The following ACADSB variants were observed in gnomAD, a reference collection of about 807,000 sequenced individuals.
ACADSB encodes short/branched chain specific acyl-CoA dehydrogenase, mitochondrial.
ACADSB carries 40 observed loss-of-function variants against 54.1 expected under a neutral mutation model. That is an observed-to-expected ratio of 0.74 (90% CI 0.57 to 0.96). The LOEUF (loss-of-function observed/expected upper bound fraction) is 0.96, where lower values mean the gene tolerates loss of function less well. Among genes scored for constraint, ACADSB ranks in the 40% least tolerant of loss-of-function variants. The pLI is 0.00. For missense variants in ACADSB, 530 were observed against 510.4 expected (o/e 1.04, Z -0.37); for synonymous variants, 182 against 182.8 (o/e 1.00, Z 0.03).
At chr10:123,032,583 CTTTTTTTTTT>C (rs889911796) in intron 1 of ACADSB, among the ~76,000 whole-genome samples, 8 of 106,934 alleles carry the variant, frequency 7.5e-5, no homozygotes, top group African/African-American at 1.1e-4. Context: ...AATTTCCATT[CTTTTTTTTTT>C]TTTTTTTTTT....
chr10:123,047,058 A>G (rs879643712), intron 7 of ACADSB, 151 bp from the exon 8 acceptor site: 71 of 666,498 alleles, frequency 1.1e-4, no homozygotes, highest in East Asian at 4.2e-4. Context: ...GTGGGTGAGG[A>G]TGTGTTATTA....
intron 1 of ACADSB, among the ~76,000 whole-genome samples, chr10:123,030,838 A>C (rs1254140415): frequency 6.6e-6 from 1 of 152,232 alleles, no homozygotes; most frequent in Admixed American, 6.5e-5. Flanking sequence ...TGTGTCTTGA[A>C]TGAAGAGTAA....
At chr10:123,050,957 C>A in intron 8 of ACADSB, 92 bp from the exon 9 acceptor site, 1 of 1,347,220 alleles carries the variant, frequency 7.4e-7, no homozygotes, top group South Asian at 1.3e-5. Flanking sequence ...TATTTTGAGT[C>A]TGTCAGTGTT....
intron 3 of ACADSB, among the ~76,000 whole-genome samples, chr10:123,039,473 G>A (rs1360621634): frequency 6.6e-6 from 1 of 152,186 alleles, no homozygotes; most frequent in Non-Finnish European, 1.5e-5. Flanking sequence ...TTTCAGTAAC[G>A]ATGGAACTGG....
chr10:123,009,690 A>G (rs944129474), intron 1 of ACADSB, among the ~76,000 whole-genome samples: 2 of 143,902 alleles, frequency 1.4e-5, no homozygotes, highest in Admixed American at 6.9e-5. Context: ...GGGGAGCCGG[A>G]GCCGGTGCCG....
At chr10:123,051,017 A>G (rs202176300) in intron 8 of ACADSB, 32 bp from the exon 9 acceptor site, 22 of 1,607,506 alleles carry the variant, frequency 1.4e-5, no homozygotes, top group Non-Finnish European at 1.8e-5. Context: ...TTTTGAAATC[A>G]TAATTCTCTA....
intron 5 of ACADSB, 54 bp downstream of exon 5, chr10:123,041,433 C>T: frequency 6.4e-7 from 1 of 1,572,152 alleles, no homozygotes; most frequent in Non-Finnish European, 8.8e-7. Context: ...TTTTCTCTTT[C>T]TTTATCTTTT....
Position 123,037,776 on chromosome 10 carries a change from C to T in ACADSB, c.232C>T (p.Pro78Ser), listed in dbSNP as rs752686625. ...VKKFAQEQIA[P>S]LVSTMDENSK... ...AAAATTTGCTCAGGAACAAATTGCA[C>T]CTTTGGTTTCAACCATGGATGAAAA... Residue 78 changes from proline to serine, a missense_variant, in exon 3 of 11, where the codon CCT (proline) becomes TCT (serine). By Grantham distance (74) the Pro-to-Ser change is moderately conservative. Coordinates refer to ENST00000358776, the MANE Select transcript of ACADSB (RefSeq NM_001609.4). 1 of 1,612,130 alleles carries T rather than the reference C, an allele frequency of 6.2e-7. No individual in the cohort carries two copies. The highest frequency in any genetic ancestry group is 1.1e-5 in the South Asian group (1 of 91,028).
chr10:123,051,331 A>T, intron 9 of ACADSB, 145 bp downstream of exon 9: 1 of 1,149,052 alleles, frequency 8.7e-7, no homozygotes, highest in East Asian at 2.7e-5. Context: ...TTTATTTCTT[A>T]TAATAGAAAA....
chr10:123,053,617 G>A (rs1850661717), intron 10 of ACADSB, 78 bp from the exon 11 acceptor site: 5 of 1,208,954 alleles, frequency 4.1e-6, no homozygotes, highest in Non-Finnish European at 6.2e-6. Context: ...CAAGCGCAGA[G>A]GTGATGTTTA....
Position 123,009,088 on chromosome 10 carries a change from C to T in ACADSB, c.42+17C>T, listed in dbSNP as rs1849956013. 1 of 1,544,388 alleles carries T rather than the reference C, an allele frequency of 6.5e-7. No homozygotes were observed. Among genetic ancestry groups the T allele is most frequent in the Admixed American group, 2.0e-5 (1 of 50,956 alleles). On this transcript the variant is annotated intron_variant, in intron 1 of 10. Coordinates refer to ENST00000358776, the MANE Select transcript of ACADSB (RefSeq NM_001609.4). ...AGCAGGCTGGTGAGTGCGTTCGAGGCTGGCGTCCTGGGGGCCCAGGGCGAC... is the reference window on the plus strand; with the variant it reads ...AGCAGGCTGGTGAGTGCGTTCGAGGTTGGCGTCCTGGGGGCCCAGGGCGAC...
intron 1 of ACADSB, among the ~76,000 whole-genome samples, chr10:123,032,868 C>T (rs528270461): frequency 6.6e-6 from 1 of 152,168 alleles, no homozygotes; most frequent in Non-Finnish European, 1.5e-5. Flanking sequence ...GGATTACAGG[C>T]GTGAGCCACC....
Position 123,041,212 on chromosome 10 carries a change from G to A in ACADSB, c.514G>A (p.Gly172Arg), listed in dbSNP as rs1393947501. 1.2e-6 allele frequency: 2 copies of A among 1,613,976 alleles called. No individual in the cohort carries two copies. Among genetic ancestry groups the A allele is most frequent in the Non-Finnish European group, 1.7e-6 (2 of 1,180,016 alleles). The change falls in exon 5 of 11, where the codon GGA becomes AGA. Residue 172 changes from glycine to arginine, a missense_variant. By Grantham distance (125) the Gly-to-Arg change is moderately radical. Coordinates refer to ENST00000358776, the MANE Select transcript of ACADSB (RefSeq NM_001609.4). Reference protein sequence around the residue: ...YLPQLTTEKVGSFCLSEAGAG... With the variant: ...YLPQLTTEKVRSFCLSEAGAG... ...CATTTTTTTCTCCCATATGTAGGTA[G>A]GAAGTTTCTGCCTTTCAGAGGCTGG...
At chr10:123,041,690 A>G (rs529413460) in intron 5 of ACADSB, among the ~76,000 whole-genome samples, 1 of 152,240 alleles carries the variant, frequency 6.6e-6, no homozygotes, top group African/African-American at 2.4e-5. Context: ...CTTTGTGCCA[A>G]CTACCATATT....
intron 1 of ACADSB, among the ~76,000 whole-genome samples, chr10:123,033,867 A>G (rs989830077): frequency 3.3e-5 from 5 of 152,000 alleles, no homozygotes; most frequent in East Asian, 1.9e-4. Flanking sequence ...TTAGCCACGG[A>G]AATTACAAAA....
intron 6 of ACADSB, 81 bp downstream of exon 6, chr10:123,043,252 G>A (rs1296101367): frequency 6.4e-7 from 1 of 1,559,054 alleles, no homozygotes; most frequent in Non-Finnish European, 8.8e-7. Context: ...CAAGACAGGT[G>A]TCAAAATACT....
intron 1 of ACADSB, among the ~76,000 whole-genome samples, chr10:123,031,259 C>T (rs1271073732): frequency 6.6e-6 from 1 of 152,196 alleles, no homozygotes; most frequent in Admixed American, 6.5e-5. Flanking sequence ...TAATTTTACC[C>T]ACATCCAAGT....
At chr10:123,041,424 T>C (rs1446762049) in intron 5 of ACADSB, 45 bp downstream of exon 5, 1 of 1,586,100 alleles carries the variant, frequency 6.3e-7, no homozygotes, top group Non-Finnish European at 8.7e-7. Context: ...AACCCCTTCT[T>C]TTCTCTTTCT....
At chr10:123,041,488 T>G (rs1850473398) in intron 5 of ACADSB, 109 bp downstream of exon 5, 1 of 1,139,102 alleles carries the variant, frequency 8.8e-7, no homozygotes, top group Non-Finnish European at 1.3e-6. Flanking sequence ...AACTCTTTAG[T>G]CTTCTCAGTA....
Sources: allele counts gnomAD v4.1 joint callset (sites outside exome capture counted in the v4.1 genomes callset), GRCh38; gene constraint gnomAD v4.1.1; transcripts MANE v1.5; gene names NCBI Gene and HGNC (gene_info 2026-07-23, HGNC 2026-07-21).